DYRK1A: variants seen among roughly 807,000 people sequenced by gnomAD.
DYRK1A encodes the protein dual specificity tyrosine-phosphorylation-regulated kinase 1A.
Under a neutral mutation model 79.7 loss-of-function variants are expected in DYRK1A, and 9 were observed. The ratio of observed to expected loss-of-function variants is 0.11; its 90% CI spans 0.07 to 0.20. The LOEUF is 0.20. DYRK1A is among the 10% of genes least tolerant of loss of function. The pLI is 1.00. For missense variants in DYRK1A, 622 were observed against 956.0 expected (o/e 0.65, Z 4.61); for synonymous variants, 349 against 329.7 (o/e 1.06, Z -0.63).
chr21:37,402,831 C>G (rs755571935), intron 1 of DYRK1A, among the ~76,000 whole-genome samples: 1 of 152,054 alleles, frequency 6.6e-6, no homozygotes, highest in Admixed American at 6.6e-5. Flanking sequence ...GGTGCCATCT[C>G]GGCTCACTGC....
At chr21:37,469,288 C>G (rs2052139902) in intron 2 of DYRK1A, among the ~76,000 whole-genome samples, 1 of 152,170 alleles carries the variant, frequency 6.6e-6, no homozygotes, top group African/African-American at 2.4e-5. Context: ...CGATGCATAA[C>G]AAGAAGCTTA....
intron 1 of DYRK1A, among the ~76,000 whole-genome samples, chr21:37,408,251 T>C (rs1258646342): frequency 1.3e-5 from 2 of 152,208 alleles, no homozygotes; most frequent in African/African-American, 4.8e-5. Flanking sequence ...AGCTCACTTA[T>C]TTTGTGGTTT....
At chr21:37,491,856 A>G (rs963440589) in intron 7 of DYRK1A, among the ~76,000 whole-genome samples, 4 of 152,220 alleles carry the variant, frequency 2.6e-5, no homozygotes, top group African/African-American at 7.2e-5. Context: ...AAAATGAGCC[A>G]GTTATCCCTA....
At chr21:37,453,203 A>C (rs1177763312) in intron 2 of DYRK1A, among the ~76,000 whole-genome samples, 1 of 152,230 alleles carries the variant, frequency 6.6e-6, no homozygotes, top group African/African-American at 2.4e-5. Context: ...ATTTCAATTT[A>C]TAATAAAAAA....
intron 2 of DYRK1A, among the ~76,000 whole-genome samples, chr21:37,431,975 A>C (rs1373373906): frequency 1.3e-5 from 2 of 152,178 alleles, no homozygotes; most frequent in Non-Finnish European, 2.9e-5. Context: ...TGTTGTCTGG[A>C]TAAGTACAGT....
At chr21:37,511,814 A>T (rs1452498381) in intron 11 of DYRK1A, 97 bp from the exon 12 acceptor site, 1 of 1,373,298 alleles carries the variant, frequency 7.3e-7, no homozygotes, top group Non-Finnish European at 1.0e-6. Flanking sequence ...CCCCCTGATT[A>T]ATATGATGCT....
chr21:37,420,933 A>G (rs2050459037), intron 2 of DYRK1A, among the ~76,000 whole-genome samples: 1 of 152,080 alleles, frequency 6.6e-6, no homozygotes, highest in Non-Finnish European at 1.5e-5. Context: ...ATTTTTATAC[A>G]GAAGAAGCAG....
chr21:37,522,114 C>T lies in DYRK1A; in HGVS notation c.*9583C>T, dbSNP rs1366950194. The T allele has an allele frequency of 6.6e-6, 1 of 152,158 alleles. No individual in the cohort carries two copies. The highest frequency in any genetic ancestry group is 2.4e-5 in the African/African-American group (1 of 41,424). 9.4% of individuals were successfully genotyped at this position (152,158 alleles called of 1,614,324 possible). ...TAAAAATTAACATCATTGCAGCTTC[C>T]TCAGCCCTAGGATGGTTTTTAGATC... On this transcript the variant is annotated 3_prime_UTR_variant, in exon 12 of 12. Transcript: ENST00000647188.
intron 1 of DYRK1A, chr21:37,419,554 C>T (rs928767991): frequency 4.6e-5 from 7 of 152,252 alleles, no homozygotes; most frequent in South Asian, 4.1e-4. Flanking sequence ...GAATTAAATT[C>T]GATAGTATCA....
intron 8 of DYRK1A, among the ~76,000 whole-genome samples, chr21:37,494,713 T>C (rs1056643278): frequency 1.3e-5 from 2 of 151,722 alleles, no homozygotes; most frequent in African/African-American, 4.8e-5. Flanking sequence ...TTTGGGAGGC[T>C]GAAGCAGGCA....
chr21:37,452,516 C>T (rs36060563), intron 2 of DYRK1A, among the ~76,000 whole-genome samples: 6,323 of 152,210 alleles, frequency 0.042, 172 homozygotes, highest in Middle Eastern at 0.092. Context: ...TATAGCATGC[C>T]GTGCTTTCCA....
rs2053877474 is a variant in DYRK1A, at chr21:37,516,048, A to G, written c.*3517A>G. ...GCACTCAGTTCTAGGCCAGTTTCTC[A>G]GTTTCCTTTGGGCCTGCCTTTATTT... is the stretch of plus-strand genomic sequence containing the variant. On this transcript the variant is annotated 3_prime_UTR_variant, in exon 12 of 12. Coordinates refer to ENST00000647188, the MANE Select transcript of DYRK1A (RefSeq NM_001347721.2). The G allele has an allele frequency of 6.6e-6, 1 of 152,206 alleles. No individual in the cohort carries two copies. Among genetic ancestry groups the G allele is most frequent in the African/African-American group, 2.4e-5 (1 of 41,454 alleles). The allele number at this position is 152,206 out of a possible 1,614,324, so 9.4% of individuals were successfully genotyped here. A position where few individuals can be genotyped will look rare whatever the true frequency, so the allele number is the denominator to read the frequency against.
intron 1 of DYRK1A, among the ~76,000 whole-genome samples, chr21:37,417,405 G>C (rs2050364127): frequency 6.6e-6 from 1 of 151,818 alleles, no homozygotes; most frequent in African/African-American, 2.4e-5. Flanking sequence ...TGTTGATCAG[G>C]CTGGTCTTGA....
chr21:37,507,471 C>G (rs941856196), intron 11 of DYRK1A, among the ~76,000 whole-genome samples: 4 of 152,164 alleles, frequency 2.6e-5, no homozygotes, highest in African/African-American at 9.7e-5. Flanking sequence ...CTGAAGACCT[C>G]TTTGCTTGTT....
chr21:37,406,541 A>G (rs1371246778), intron 1 of DYRK1A, among the ~76,000 whole-genome samples: 2 of 152,050 alleles, frequency 1.3e-5, no homozygotes, highest in Admixed American at 6.6e-5. Context: ...CTAAAAATAC[A>G]AAAACTAGCC....
At chr21:37,391,826 C>G (rs941895511) in intron 1 of DYRK1A, among the ~76,000 whole-genome samples, 10 of 152,206 alleles carry the variant, frequency 6.6e-5, no homozygotes, top group Admixed American at 1.3e-4. Flanking sequence ...TTCAGCTTTG[C>G]CTTTGGAGCA....
intron 1 of DYRK1A, among the ~76,000 whole-genome samples, chr21:37,397,028 C>T (rs2049970345): frequency 6.6e-6 from 1 of 152,168 alleles, no homozygotes; most frequent in Admixed American, 6.5e-5. Context: ...TGTCTCTGTA[C>T]TAGCTCAGAA....
At chr21:37,483,087 A>T (rs4468889) in intron 5 of DYRK1A, among the ~76,000 whole-genome samples, 6 of 152,070 alleles carry the variant, frequency 3.9e-5, no homozygotes, top group South Asian at 4.1e-4. Context: ...ACGAAAATGA[A>T]GGGATTAAGA....
chr21:37,524,943 A>G lies in DYRK1A; in HGVS notation c.*12412A>G, dbSNP rs2053958446. The G allele has an allele frequency of 6.6e-6, 1 of 152,260 alleles. No individual in the cohort carries two copies. Among genetic ancestry groups the G allele is most frequent in the African/African-American group, 2.4e-5 (1 of 41,456 alleles). The allele number at this position is 152,260 out of a possible 1,614,324, so 9.4% of individuals were successfully genotyped here. A position where few individuals can be genotyped will look rare whatever the true frequency, so the allele number is the denominator to read the frequency against. On this transcript the variant is annotated 3_prime_UTR_variant, in exon 12 of 12. Coordinates refer to ENST00000647188, the MANE Select transcript of DYRK1A (RefSeq NM_001347721.2). ...GTGAAACTACATCTCTACTAAAAGT[A>G]CAAAAATTAGCCGGGCATGATGGCA...
Sources: allele counts gnomAD v4.1 joint callset (sites outside exome capture counted in the v4.1 genomes callset), GRCh38; gene constraint gnomAD v4.1.1; transcripts MANE v1.5; gene names NCBI Gene and HGNC (gene_info 2026-07-23, HGNC 2026-07-21).